The following SPNS3 variants were observed in gnomAD, a reference collection of about 807,000 sequenced individuals.
The protein encoded by SPNS3 is protein spinster homolog 3.
SPNS3 carries 51 observed loss-of-function variants against 54.4 expected under a neutral mutation model. That is an observed-to-expected ratio of 0.94 (90% CI 0.75 to 1.18). The LOEUF is 1.18. SPNS3 is among the 50% of genes most tolerant of loss of function. SPNS3 has a pLI of 0.00. For synonymous variants in SPNS3, 309 were observed against 294.7 expected (o/e 1.05, Z -0.50); for missense variants, 669 against 677.4 (o/e 0.99, Z 0.14).
intron 1 of SPNS3, among the ~76,000 whole-genome samples, chr17:4,436,112 G>C (rs2143966901): frequency 6.6e-6 from 1 of 152,290 alleles, no homozygotes; most frequent in Non-Finnish European, 1.5e-5. Context: ...CCATCTCATG[G>C]GGCAGAGATA....
chr17:4,443,927 C>A (rs1229927718), intron 2 of SPNS3, among the ~76,000 whole-genome samples: 3 of 152,112 alleles, frequency 2.0e-5, no homozygotes, highest in Admixed American at 6.5e-5. Context: ...ATGGTGAAAC[C>A]CCGTCTGTGC....
chr17:4,460,249 T>C (rs1031882377), intron 8 of SPNS3, among the ~76,000 whole-genome samples: 1 of 152,152 alleles, frequency 6.6e-6, no homozygotes, highest in African/African-American at 2.4e-5. Flanking sequence ...AGTTTTGTTC[T>C]AAGAAGTGAG....
At chr17:4,435,886 C>T (rs1038881913) in intron 1 of SPNS3, among the ~76,000 whole-genome samples, 2 of 152,168 alleles carry the variant, frequency 1.3e-5, no homozygotes, top group Admixed American at 6.5e-5. Flanking sequence ...GAGCTGAGAT[C>T]GTGCCACTGC....
chr17:4,474,810 G>A (rs76915951), intron 8 of SPNS3, among the ~76,000 whole-genome samples: 1 of 152,112 alleles, frequency 6.6e-6, no homozygotes, highest in African/African-American at 2.4e-5. Flanking sequence ...ACCCCAACGA[G>A]CCTGTGCCAG....
At chr17:4,487,738 A>G in intron 11 of SPNS3, 68 bp from the exon 12 acceptor site, 1 of 1,443,530 alleles carries the variant, frequency 6.9e-7, no homozygotes, top group South Asian at 1.2e-5. Flanking sequence ...GCCCGTGCCC[A>G]GGCCCAGGCC....
intron 8 of SPNS3, among the ~76,000 whole-genome samples, chr17:4,462,754 AATCCATCCATCCATCC>A (rs1194188864): frequency 4.4e-4 from 9 of 20,400 alleles, no homozygotes; most frequent in African/African-American, 5.8e-4. Context: ...TCCATCCACC[AATCCATCCATCCATCC>A]ATCCATCCAT....
At chr17:4,458,621 C>CTTTTCTTTCT (rs777461884) in intron 8 of SPNS3, among the ~76,000 whole-genome samples, 1 of 114,940 alleles carries the variant, frequency 8.7e-6, no homozygotes, top group African/African-American at 3.1e-5. Flanking sequence ...TTCTTTCTTT[C>CTTTTCTTTCT]TTTCTTTCTT....
At position 4,466,416 on chromosome 17, in the gene SPNS3, TG is replaced by T. The variant is rs1373123398; in HGVS notation, c.1114-12155del. ...TTAGCCGGGCATGGTGGCACGTGCC[TG>T]TAATCCCACCTATTTGGGAGGCTGA... On this transcript the variant is annotated intron_variant, in intron 8 of 11. Coordinates refer to ENST00000355530, the MANE Select transcript of SPNS3 (RefSeq NM_182538.5). Among the ~76,000 whole-genome samples, 3 of 147,626 alleles carry T rather than the reference TG, an allele frequency of 2.0e-5. No homozygotes were observed. In the East Asian group the frequency reaches 6.1e-4, roughly 30 times the overall value.
At chr17:4,462,608 T>C (rs796214542) in intron 8 of SPNS3, among the ~76,000 whole-genome samples, 1 of 28,304 alleles carries the variant, frequency 3.5e-5, no homozygotes, top group Non-Finnish European at 8.9e-5. Context: ...CATCCATCCA[T>C]CCATCCATCC....
intron 8 of SPNS3, among the ~76,000 whole-genome samples, chr17:4,468,721 T>TTTTCTTTCTTTCTTTCTTTCTTTCTTCC (rs1971756219): frequency 2.5e-5 from 3 of 121,372 alleles, no homozygotes; most frequent in Admixed American, 9.1e-5. Flanking sequence ...TCTCTCTTTC[T>TTTTCTTTCTTTCTTTCTTTCTTTCTTCC]TTTCTTTCTT....
intron 2 of SPNS3, among the ~76,000 whole-genome samples, chr17:4,443,484 A>T (rs1484026186): frequency 6.6e-6 from 1 of 152,262 alleles, no homozygotes; most frequent in East Asian, 1.9e-4. Flanking sequence ...ACACTTCCGT[A>T]TGATGGTGAT....
intron 2 of SPNS3, among the ~76,000 whole-genome samples, chr17:4,441,801 G>GA (rs1266141813): frequency 6.6e-6 from 1 of 151,098 alleles, no homozygotes; most frequent in African/African-American, 2.4e-5. Context: ...GGGTGTGTTG[G>GA]GGGGGGTCTC....
At chr17:4,438,836 G>A (rs146984306) in intron 1 of SPNS3, among the ~76,000 whole-genome samples, 15 of 152,360 alleles carry the variant, frequency 9.8e-5, no homozygotes, top group African/African-American at 3.1e-4. Context: ...CCCTGAGCCT[G>A]TGCATACGCG....
intron 8 of SPNS3, among the ~76,000 whole-genome samples, chr17:4,477,313 G>A (rs1972029326): frequency 1.3e-5 from 2 of 152,250 alleles, no homozygotes; most frequent in African/African-American, 2.4e-5. Context: ...GGGCTGGTGC[G>A]TGGCAGGTGT....
At chr17:4,445,235 C>A in intron 3 of SPNS3, 67 bp downstream of exon 3, 2 of 1,510,628 alleles carry the variant, frequency 1.3e-6, no homozygotes, top group Non-Finnish European at 1.8e-6. Flanking sequence ...CCTGATTCAG[C>A]CCCGTCAGAG....
intron 8 of SPNS3, among the ~76,000 whole-genome samples, chr17:4,465,454 G>A (rs1017577854): frequency 7.2e-5 from 11 of 151,980 alleles, no homozygotes; most frequent in African/African-American, 1.4e-4. Context: ...TAGGCCATGC[G>A]CAGTGGCTCA....
chr17:4,486,416 C>T lies in SPNS3; in HGVS notation c.1283C>T (p.Ser428Phe). The change falls in exon 11 of 12, where the codon TCT becomes TTT. Residue 428 changes from serine (S) to phenylalanine (F), a missense_variant. Coordinates refer to ENST00000355530, the MANE Select transcript of SPNS3 (RefSeq NM_182538.5). The surrounding 1 kb of genome is among the most constrained non-coding windows in gnomAD (Gnocchi z 5.5). The stretch of plus-strand genomic sequence containing the variant: ...CTCATCCCTTCTCCTCCGCAGATCT[C>T]TAGTGTCCTGCGGGCCAGGCGCCCT... ...AGSPYLTGLI[S>F]SVLRARRPDS... is the part of the protein sequence containing the mutation. The T allele has an allele frequency of 6.2e-7, 1 of 1,607,830 alleles. No individual in the cohort carries two copies. The highest frequency in any genetic ancestry group is 8.5e-7 in the Non-Finnish European group (1 of 1,176,372).
chr17:4,440,654 G>A (rs1199606138), intron 2 of SPNS3, among the ~76,000 whole-genome samples: 1 of 152,104 alleles, frequency 6.6e-6, no homozygotes, highest in Non-Finnish European at 1.5e-5. Context: ...ATGGTAAACA[G>A]AAAGGGACTC....
chr17:4,463,255 A>C (rs1315847050), intron 8 of SPNS3, among the ~76,000 whole-genome samples: 1 of 151,652 alleles, frequency 6.6e-6, no homozygotes. Flanking sequence ...GAAATTAGCC[A>C]GGCATGGTGG....
Sources: gnomAD v4.1 joint callset for allele counts (sites outside exome capture counted in the v4.1 genomes callset) on GRCh38, gnomAD v4.1.1 for gene constraint, Gnocchi (gnomAD v3.1) non-coding constraint, MANE v1.5 for transcripts, NCBI Gene and HGNC (gene_info 2026-07-23, HGNC 2026-07-21) for gene names.